GABPB1: variants seen among roughly 807,000 people sequenced by gnomAD.
The protein encoded by GABPB1 is GA-binding protein subunit beta-1.
Under a neutral mutation model 45.9 loss-of-function variants are expected in GABPB1, and 15 were observed. The observed-to-expected ratio is 0.33, with a 90% CI of 0.22 to 0.50. The LOEUF (loss-of-function observed/expected upper bound fraction) is 0.50. Ranked by LOEUF, GABPB1 falls within the 20% of genes least tolerant of loss-of-function variation. The pLI is 0.98. For synonymous variants in GABPB1, 143 were observed against 154.4 expected (o/e 0.93, Z 0.55); for missense variants, 252 against 457.5 (o/e 0.55, Z 4.10).
chr15:50,346,054 A>C (rs1482191840), intron 1 of GABPB1, among the ~76,000 whole-genome samples: 2 of 152,170 alleles, frequency 1.3e-5, no homozygotes, highest in Non-Finnish European at 2.9e-5. Flanking sequence ...AAAACATTGC[A>C]AATAACAATC....
intron 1 of GABPB1, among the ~76,000 whole-genome samples, chr15:50,337,943 T>C (rs1005245698): frequency 5.3e-5 from 8 of 152,146 alleles, no homozygotes; most frequent in Non-Finnish European, 1.2e-4. Flanking sequence ...CAGGTAAAAG[T>C]AGTATGGATA....
In GABPB1 at chr15:50,299,557, G is replaced by A. The variant is rs1282818041; in HGVS notation, c.697+1232C>T. Among the ~76,000 whole-genome samples the A allele has an allele frequency of 4.6e-5, 7 of 151,786 alleles. No individual in the cohort carries two copies. The East Asian group carries it at 7.8e-4, about 17-fold the overall frequency. ...TGGGATTACAGGCATGGGCCACTAC[G>A]CCTGGCTAATTTTGTATTTTTAGCA... is the stretch of plus-strand genomic sequence containing the variant. On this transcript the variant is annotated intron_variant, in intron 6 of 8. Coordinates refer to ENST00000380877, the MANE Select transcript of GABPB1 (RefSeq NM_016654.5).
intron 1 of GABPB1, among the ~76,000 whole-genome samples, chr15:50,336,254 G>A (rs1001564058): frequency 6.6e-6 from 1 of 151,102 alleles, no homozygotes; most frequent in East Asian, 1.9e-4. Context: ...TCGGGAGGCT[G>A]AGGCAGGGAG....
intron 1 of GABPB1, among the ~76,000 whole-genome samples, chr15:50,329,047 C>A (rs1202819780): frequency 6.6e-6 from 1 of 152,114 alleles, no homozygotes. Context: ...CCAAGGAGAG[C>A]CTTTTCGATT....
intron 6 of GABPB1, among the ~76,000 whole-genome samples, chr15:50,298,139 T>G (rs1198255812): frequency 6.6e-6 from 1 of 152,152 alleles, no homozygotes; most frequent in Non-Finnish European, 1.5e-5. Context: ...TCACCCACGC[T>G]GGAGTATAGT....
intron 1 of GABPB1, chr15:50,327,128 T>G (rs1367253662): frequency 6.6e-6 from 1 of 152,104 alleles, no homozygotes; most frequent in Non-Finnish European, 1.5e-5. Flanking sequence ...AAGAAAAGGC[T>G]TTTTAGAACT....
At chr15:50,306,521 G>A (rs114224510) in intron 2 of GABPB1, among the ~76,000 whole-genome samples, 3,044 of 151,716 alleles carry the variant, frequency 0.02, 101 homozygotes, top group African/African-American at 0.07. Flanking sequence ...CAGCTACTTC[G>A]GTGCCTGAGG....
chr15:50,289,669 C>A lies in GABPB1; in HGVS notation c.698-1G>T, dbSNP rs757941828. The A allele has an allele frequency of 5.1e-6, 8 of 1,581,330 alleles. No individual in the cohort carries two copies. In the Admixed American group the frequency reaches 1.1e-4, roughly 23 times the overall value. ...GTAACTACTTCTTCTGTGGCCACTACTGGAAAAAAAAAAAAGAAAACTCAG... is the reference window on the plus strand; with the variant it reads ...GTAACTACTTCTTCTGTGGCCACTAATGGAAAAAAAAAAAAGAAAACTCAG... On this transcript the variant is annotated splice_acceptor_variant, in intron 6 of 8. Coordinates refer to ENST00000380877, the MANE Select transcript of GABPB1 (RefSeq NM_016654.5). LOFTEE classifies it high-confidence loss of function.
At chr15:50,315,106 A>G (rs990434444) in intron 1 of GABPB1, among the ~76,000 whole-genome samples, 2 of 152,212 alleles carry the variant, frequency 1.3e-5, no homozygotes, top group African/African-American at 4.8e-5. Context: ...TTTTGAAATT[A>G]TGCAGATCAG....
At chr15:50,318,562 G>A (rs2047434012) in intron 1 of GABPB1, among the ~76,000 whole-genome samples, 1 of 152,030 alleles carries the variant, frequency 6.6e-6, no homozygotes, top group South Asian at 2.1e-4. Context: ...AGGGCTTCAG[G>A]AAATAAAGAT....
rs1365879764 is a variant in GABPB1 at position 50,289,610 on chromosome 15, T to C, written c.756A>G (p.Val252=). ...TGACTTGCTGACCCCCTGAACTAACTACTTGCTGAATGGCACCATCCACAG... is the reference window on the plus strand; with the variant it reads ...TGACTTGCTGACCCCCTGAACTAACCACTTGCTGAATGGCACCATCCACAG... The part of the protein sequence containing the change: ...AESVDGAIQQ[V]VSSGGQQVIT... Residue 252 remains valine, a synonymous_variant, in exon 7 of 9, where the codon GTA becomes GTG. Coordinates refer to ENST00000380877, the MANE Select transcript of GABPB1 (RefSeq NM_016654.5). 1 of 1,613,380 alleles carries C rather than the reference T, an allele frequency of 6.2e-7. No individual in the cohort carries two copies. Among genetic ancestry groups the C allele is most frequent in the African/African-American group, 1.3e-5 (1 of 74,774 alleles).
chr15:50,285,965 T>C, intron 8 of GABPB1, 103 bp downstream of exon 8: 1 of 1,496,300 alleles, frequency 6.7e-7, no homozygotes, highest in South Asian at 1.4e-5. Context: ...GCACTTTCAT[T>C]CTGTATCAAA....
In GABPB1 at chr15:50,324,794, G is replaced by A. The variant is rs575677539; in HGVS notation, c.1-14996C>T. 5.3e-5 allele frequency among the ~76,000 whole-genome samples: 8 copies of A among 152,116 alleles called. No individual in the cohort carries two copies. In the South Asian group the frequency reaches 6.2e-4, roughly 12 times the overall value. On this transcript the variant is annotated intron_variant, in intron 1 of 8. Transcript: ENST00000380877. The stretch of plus-strand genomic sequence containing the variant: ...ACTCCTGACCTCAGGCAATTCGCCC[G>A]CCTTGGCCTCCCAAAGTGCTAGGAT...
intron 4 of GABPB1, among the ~76,000 whole-genome samples, 156 bp downstream of exon 4, chr15:50,302,769 TAAAC>T (rs2046804168): frequency 6.8e-6 from 1 of 146,872 alleles, no homozygotes; most frequent in South Asian, 2.2e-4. Flanking sequence ...TGAATAGTAA[TAAAC>T]AAAGAGGAAG....
chr15:50,347,953 G>C (rs2141180466), intron 1 of GABPB1, among the ~76,000 whole-genome samples: 1 of 147,138 alleles, frequency 6.8e-6, no homozygotes, highest in South Asian at 2.2e-4. Flanking sequence ...CTACTTGGGA[G>C]AATCACTTGA....
intron 1 of GABPB1, among the ~76,000 whole-genome samples, chr15:50,340,832 G>A (rs1398408202): frequency 6.9e-6 from 1 of 144,488 alleles, no homozygotes; most frequent in Non-Finnish European, 1.5e-5. Context: ...TTGTAGGAGT[G>A]CAATATGTAT....
At chr15:50,300,488 G>GTGGGA (rs2141019603) in intron 6 of GABPB1, among the ~76,000 whole-genome samples, 1 of 126,996 alleles carries the variant, frequency 7.9e-6, no homozygotes, top group East Asian at 2.2e-4. Context: ...TATCACCCAG[G>GTGGGA]CTGGAGTGCA....
At chr15:50,314,254 G>T (rs2047236869) in intron 1 of GABPB1, among the ~76,000 whole-genome samples, 1 of 151,972 alleles carries the variant, frequency 6.6e-6, no homozygotes, top group Non-Finnish European at 1.5e-5. Flanking sequence ...CGTGATCTCG[G>T]CTCACTGCAA....
At chr15:50,286,284 A>G (rs935998421) in intron 7 of GABPB1, 101 bp from the exon 8 acceptor site, 68 of 722,618 alleles carry the variant, frequency 9.4e-5, no homozygotes, top group Non-Finnish European at 4.8e-5. Context: ...TAAAATAACT[A>G]CATTCCAAAA....
Sources: gnomAD v4.1 joint callset for allele counts (sites outside exome capture counted in the v4.1 genomes callset) on GRCh38, gnomAD v4.1.1 for gene constraint, MANE v1.5 for transcripts, NCBI Gene and HGNC (gene_info 2026-07-23, HGNC 2026-07-21) for gene names.